Variants in HIBADH observed in about 807,000 individuals in gnomAD.
HIBADH encodes 3-hydroxyisobutyrate dehydrogenase, mitochondrial.
In HIBADH, 25 loss-of-function variants were observed where a neutral mutation model predicts 36.1. The observed-to-expected ratio is 0.69, with a 90% CI of 0.50 to 0.97. The LOEUF (loss-of-function observed/expected upper bound fraction) is 0.97, where lower values mean the gene tolerates loss of function less well. Ranked by LOEUF, HIBADH falls within the 50% of genes least tolerant of loss-of-function variation. HIBADH has a pLI of 0.00. For missense variants in HIBADH, 421 were observed against 418.0 expected, an observed-to-expected ratio of 1.01 and a Z score of -0.06; for synonymous variants, 160 against 149.5, an observed-to-expected ratio of 1.07 and a Z score of -0.51.
chr7:27,653,387 C>T (rs572708197), intron 1 of HIBADH, among the ~76,000 whole-genome samples: 1 of 152,154 alleles, frequency 6.6e-6, no homozygotes, highest in East Asian at 1.9e-4. Flanking sequence ...TCAGTTTTAC[C>T]CAGGGTAACT....
intron 2 of HIBADH, among the ~76,000 whole-genome samples, chr7:27,647,309 A>G (rs1305156590): frequency 6.6e-6 from 1 of 152,178 alleles, no homozygotes; most frequent in Non-Finnish European, 1.5e-5. Context: ...TCATCATGCT[A>G]CTCAGAACGG....
At chr7:27,608,571 T>C (rs1785270931) in intron 4 of HIBADH, among the ~76,000 whole-genome samples, 1 of 152,186 alleles carries the variant, frequency 6.6e-6, no homozygotes, top group Non-Finnish European at 1.5e-5. Context: ...AAGGCCCTTG[T>C]CAAATTCTCA....
chr7:27,593,563 TTTAAGA>T (rs1784978876), intron 4 of HIBADH, among the ~76,000 whole-genome samples: 1 of 152,208 alleles, frequency 6.6e-6, no homozygotes, highest in South Asian at 2.1e-4. Context: ...TACCACTGTG[TTTAAGA>T]TTAACTCAAT....
chr7:27,652,991 T>C (rs909761764), intron 1 of HIBADH, among the ~76,000 whole-genome samples: 9 of 151,968 alleles, frequency 5.9e-5, no homozygotes, highest in Non-Finnish European at 1.2e-4. Flanking sequence ...TATCCAGGCA[T>C]GGTGGCATGT....
intron 2 of HIBADH, among the ~76,000 whole-genome samples, chr7:27,636,651 C>T (rs1785846220): frequency 1.3e-5 from 2 of 152,206 alleles, no homozygotes; most frequent in Non-Finnish European, 2.9e-5. Context: ...TCTAATTAAG[C>T]CTAGTTCAAT....
intron 5 of HIBADH, 132 bp from the exon 6 acceptor site, chr7:27,538,549 G>A (rs1784101084): frequency 2.8e-6 from 2 of 719,482 alleles, no homozygotes; most frequent in East Asian, 2.7e-5. Context: ...TCTCGAGTGC[G>A]GAAGAGAACC....
chr7:27,530,346 C>T (rs1783973180), intron 7 of HIBADH, among the ~76,000 whole-genome samples: 1 of 152,120 alleles, frequency 6.6e-6, no homozygotes, highest in Non-Finnish European at 1.5e-5. Flanking sequence ...GCTGGGCTTA[C>T]AGACACGCAC....
intron 1 of HIBADH, among the ~76,000 whole-genome samples, chr7:27,657,528 G>T (rs1219981532): frequency 6.6e-6 from 1 of 152,134 alleles, no homozygotes; most frequent in Non-Finnish European, 1.5e-5. Context: ...TAGAAAAACT[G>T]AAGTAGAGTG....
chr7:27,621,086 C>T (rs1282000060), intron 4 of HIBADH, among the ~76,000 whole-genome samples: 2 of 141,798 alleles, frequency 1.4e-5, no homozygotes, highest in Non-Finnish European at 3.0e-5. Flanking sequence ...GTTATACTTA[C>T]ATCAAACAGA....
At chr7:27,646,778 C>T (rs1252800004) in intron 2 of HIBADH, among the ~76,000 whole-genome samples, 3 of 148,750 alleles carry the variant, frequency 2.0e-5, no homozygotes, top group African/African-American at 7.6e-5. Context: ...TTATTGCAAC[C>T]TCCGCCTCCT....
At chr7:27,625,456 A>G (rs1364996015) in intron 4 of HIBADH, among the ~76,000 whole-genome samples, 2 of 152,136 alleles carry the variant, frequency 1.3e-5, no homozygotes, top group Non-Finnish European at 1.5e-5. Context: ...GTTTAGAAAT[A>G]AAAACATATG....
At chr7:27,624,965 C>T (rs1301200015) in intron 4 of HIBADH, among the ~76,000 whole-genome samples, 3 of 151,986 alleles carry the variant, frequency 2.0e-5, no homozygotes, top group Admixed American at 6.6e-5. Flanking sequence ...TGTAAGAATG[C>T]GAATATTTTT....
intron 1 of HIBADH, among the ~76,000 whole-genome samples, chr7:27,652,871 G>A (rs550819078): frequency 9.8e-5 from 15 of 152,312 alleles, no homozygotes; most frequent in African/African-American, 3.4e-4. Flanking sequence ...GCTCACGCCT[G>A]TAATCCCAGC....
At chr7:27,582,917 A>C (rs1784814168) in intron 4 of HIBADH, among the ~76,000 whole-genome samples, 1 of 152,168 alleles carries the variant, frequency 6.6e-6, no homozygotes, top group Non-Finnish European at 1.5e-5. Context: ...AAATGGGGAT[A>C]ACAACAGTAC....
chr7:27,628,021 T>C (rs1785679384), intron 4 of HIBADH, among the ~76,000 whole-genome samples: 1 of 152,160 alleles, frequency 6.6e-6, no homozygotes, highest in Non-Finnish European at 1.5e-5. Flanking sequence ...GCAAGAACAT[T>C]TGTACCATAC....
chr7:27,658,699 A>G (rs939433183), intron 1 of HIBADH, among the ~76,000 whole-genome samples: 1 of 152,224 alleles, frequency 6.6e-6, no homozygotes, highest in African/African-American at 2.4e-5. Flanking sequence ...AACATTTTGC[A>G]TGGACTTTCA....
At position 27,572,959 on chromosome 7, in the gene HIBADH, G is replaced by A. The variant is rs150230907; in HGVS notation, c.485-29859C>T. Among the ~76,000 whole-genome samples, 294 of 152,196 alleles carry A rather than the reference G, an allele frequency of 1.9e-3. 1 individual carries two copies. Among genetic ancestry groups the A allele is most frequent in the African/African-American group, 6.8e-3 (281 of 41,528 alleles). ...TCATTTGGGGCATAAAACTACAACA[G>A]AAGAGTAAAAGAAGCTTCACTAAAA... is the stretch of plus-strand genomic sequence containing the variant. On this transcript the variant is annotated intron_variant, in intron 4 of 7. Coordinates refer to ENST00000265395, the MANE Select transcript of HIBADH (RefSeq NM_152740.4).
At chr7:27,550,068 T>C (rs1784297625) in intron 4 of HIBADH, among the ~76,000 whole-genome samples, 1 of 151,974 alleles carries the variant, frequency 6.6e-6, no homozygotes, top group Non-Finnish European at 1.5e-5. Context: ...CCACCACACC[T>C]AGCTAAATTT....
chr7:27,627,891 G>A (rs1048535182), intron 4 of HIBADH, among the ~76,000 whole-genome samples: 1 of 151,958 alleles, frequency 6.6e-6, no homozygotes, highest in South Asian at 2.1e-4. Flanking sequence ...TAATTTCAAA[G>A]TTTTCTCATA....
Sources: allele counts gnomAD v4.1 joint callset (sites outside exome capture counted in the v4.1 genomes callset), GRCh38; gene constraint gnomAD v4.1.1; transcripts MANE v1.5; gene names NCBI Gene and HGNC (gene_info 2026-07-23, HGNC 2026-07-21).